TAMM41: variants seen among roughly 807,000 people sequenced by gnomAD.
The protein encoded by TAMM41 is TAM41 mitochondrial translocator assembly and maintenance homolog, also known as phosphatidate cytidylyltransferase, mitochondrial.
A neutral mutation model predicts 44.1 loss-of-function variants in TAMM41; 36 were observed. The ratio of observed to expected loss-of-function variants is 0.82; its 90% CI spans 0.63 to 1.08. TAMM41 has a LOEUF of 1.08. Among genes scored for constraint, TAMM41 ranks in the 50% least tolerant of loss-of-function variants. TAMM41 has a pLI of 0.00. For synonymous variants in TAMM41, 164 were observed against 153.1 expected (o/e 1.07, Z -0.53); for missense variants, 417 against 404.3 (o/e 1.03, Z -0.27).
At chr3:11,822,313 C>A (rs1273265908) in intron 4 of TAMM41, among the ~76,000 whole-genome samples, 1 of 152,106 alleles carries the variant, frequency 6.6e-6, no homozygotes, top group Non-Finnish European at 1.5e-5. Flanking sequence ...AGATATAATT[C>A]ACATACCATG....
chr3:11,759,754 A>C, the TAMM41 span, among the ~76,000 whole-genome samples: 1 of 152,160 alleles, frequency 6.6e-6, no homozygotes, highest in East Asian at 1.9e-4. Context: ...TGGGCAAATC[A>C]CTTGACGTCA....
At chr3:11,762,066 C>T in the TAMM41 span, among the ~76,000 whole-genome samples, 1 of 152,096 alleles carries the variant, frequency 6.6e-6, no homozygotes, top group Non-Finnish European at 1.5e-5. Context: ...GGTGCCCTTG[C>T]CATGCCTGTC....
chr3:11,826,080 A>C (rs1201459649), intron 4 of TAMM41, among the ~76,000 whole-genome samples: 1 of 152,218 alleles, frequency 6.6e-6, no homozygotes, highest in Non-Finnish European at 1.5e-5. Flanking sequence ...GTTGCTAATA[A>C]AACAGTGAGA....
chr3:11,767,532 C>T, the TAMM41 span, among the ~76,000 whole-genome samples: 1 of 151,594 alleles, frequency 6.6e-6, no homozygotes, highest in Non-Finnish European at 1.5e-5. Flanking sequence ...ACGGAACTAT[C>T]AAACTGTTTT....
At chr3:11,791,327 T>G (rs2077473139) in intron 7 of TAMM41, among the ~76,000 whole-genome samples, 1 of 152,072 alleles carries the variant, frequency 6.6e-6, no homozygotes, top group Non-Finnish European at 1.5e-5. Context: ...CCCCATCTAC[T>G]TAGTCAGGAG....
chr3:11,795,669 C>A (rs1161527816), intron 7 of TAMM41, among the ~76,000 whole-genome samples: 7 of 152,126 alleles, frequency 4.6e-5, no homozygotes, highest in Non-Finnish European at 1.0e-4. Flanking sequence ...TTGTTTGGCC[C>A]CTGCTTATCT....
intron 4 of TAMM41, among the ~76,000 whole-genome samples, chr3:11,826,072 T>G (rs570017474): frequency 5.3e-4 from 80 of 152,314 alleles, no homozygotes; most frequent in Non-Finnish European, 9.8e-4. Flanking sequence ...ACAGCAGTGT[T>G]GCTAATAAAA....
At chr3:11,768,312 A>C in the TAMM41 span, among the ~76,000 whole-genome samples, 2 of 151,862 alleles carry the variant, frequency 1.3e-5, no homozygotes, top group South Asian at 2.1e-4. Flanking sequence ...AATTTTAAAA[A>C]TTATTTGTAG....
intron 4 of TAMM41, among the ~76,000 whole-genome samples, chr3:11,821,184 G>T (rs904311949): frequency 1.1e-4 from 16 of 152,212 alleles, no homozygotes; most frequent in African/African-American, 3.6e-4. Context: ...GGGTCCAGGG[G>T]ACAGTGGTTT....
chr3:11,737,047 G>A, the TAMM41 span, among the ~76,000 whole-genome samples: 10 of 151,758 alleles, frequency 6.6e-5, no homozygotes, highest in South Asian at 2.1e-4. Flanking sequence ...GATGGCTCCC[G>A]GGGCAGCCCT....
intron 6 of TAMM41, chr3:11,809,140 G>A (rs1466943626): frequency 1.7e-5 from 5 of 299,126 alleles, no homozygotes; most frequent in Non-Finnish European, 3.1e-5. Context: ...AGTTGATTGA[G>A]GAAAGCTGTG....
chr3:11,776,054 C>T, the TAMM41 span, among the ~76,000 whole-genome samples: 1 of 149,896 alleles, frequency 6.7e-6, no homozygotes, highest in African/African-American at 2.4e-5. Context: ...CGCTCTGTTG[C>T]CCAGGCTAGA....
rs558377870 is a variant in TAMM41 at position 11,843,258 on chromosome 3, A to G, written c.318+771T>C. ...TCCCACTGACCAGACCAATGGTTCT[A>G]GACCAGCAGCTTCAGCACTGTTTGG... is the stretch of plus-strand genomic sequence containing the variant. On this transcript the variant is annotated intron_variant, in intron 2 of 7. Transcript: ENST00000455809. 3.3e-5 allele frequency among the ~76,000 whole-genome samples: 5 copies of G among 152,318 alleles called. No homozygotes were observed. The East Asian group carries it at 9.6e-4, about 29-fold the overall frequency.
downstream of TAMM41, among the ~76,000 whole-genome samples, chr3:11,786,766 G>A (rs184275804): frequency 6.6e-6 from 1 of 151,982 alleles, no homozygotes; most frequent in African/African-American, 2.4e-5. Context: ...ATATTTTAAA[G>A]TTTTTGTAGA....
intron 5 of TAMM41, among the ~76,000 whole-genome samples, chr3:11,816,527 G>A (rs2078283835): frequency 1.3e-5 from 2 of 152,140 alleles, no homozygotes; most frequent in South Asian, 2.1e-4. Flanking sequence ...ACTTTTGGAC[G>A]CTGGGGCGGG....
chr3:11,843,954 T>C (rs1372282549), intron 2 of TAMM41, 75 bp downstream of exon 2: 1 of 1,472,896 alleles, frequency 6.8e-7, no homozygotes, highest in South Asian at 1.2e-5. Flanking sequence ...CACAAGAACA[T>C]ACATATTTAG....
intron 7 of TAMM41, 134 bp from the exon 8 acceptor site, chr3:11,790,715 G>C (rs2077459412): frequency 2.9e-6 from 2 of 701,066 alleles, no homozygotes; most frequent in South Asian, 3.4e-5. Context: ...TAGGAGACCA[G>C]GGAGCTGAAG....
chr3:11,822,641 T>C (rs2078568731), intron 4 of TAMM41, among the ~76,000 whole-genome samples: 1 of 152,248 alleles, frequency 6.6e-6, no homozygotes, highest in South Asian at 2.1e-4. Context: ...CATTGAATTA[T>C]ACACTATCTG....
At chr3:11,810,338 A>C (rs1173597828) in intron 5 of TAMM41, among the ~76,000 whole-genome samples, 1 of 152,204 alleles carries the variant, frequency 6.6e-6, no homozygotes, top group East Asian at 1.9e-4. Flanking sequence ...AAGTATTCTA[A>C]AACATACTAA....
Sources: gnomAD v4.1 joint callset for allele counts (sites outside exome capture counted in the v4.1 genomes callset) on GRCh38, gnomAD v4.1.1 for gene constraint, MANE v1.5 for transcripts, NCBI Gene and HGNC (gene_info 2026-07-23, HGNC 2026-07-21) for gene names.